The following TOP6BL variants were observed in gnomAD, a reference collection of about 807,000 sequenced individuals.
TOP6BL encodes the protein TOP6B like initiator of meiotic double strand breaks, also known as type 2 DNA topoisomerase 6 subunit B-like.
the TOP6BL span, among the ~76,000 whole-genome samples, chr11:66,841,888 C>T: frequency 3.9e-5 from 6 of 152,214 alleles, no homozygotes; most frequent in Non-Finnish European, 7.3e-5. Flanking sequence ...CTTTCTCTCC[C>T]TTGTCTGGCA....
the TOP6BL span, among the ~76,000 whole-genome samples, chr11:66,751,752 G>C: frequency 6.6e-6 from 1 of 151,966 alleles, no homozygotes; most frequent in Non-Finnish European, 1.5e-5. Context: ...TTTTAATATA[G>C]TTATAATTTT....
the TOP6BL span, among the ~76,000 whole-genome samples, chr11:66,763,352 TGTG>T: frequency 6.6e-6 from 1 of 152,268 alleles, no homozygotes; most frequent in Non-Finnish European, 1.5e-5. Flanking sequence ...GCTTTTGCTC[TGTG>T]ACCCTAATTT....
At chr11:66,804,288 A>G in the TOP6BL span, 1 of 969,046 alleles carries the variant, frequency 1.0e-6, no homozygotes, top group South Asian at 1.9e-5. Flanking sequence ...CTGCATCTAC[A>G]AATATATATG....
At chr11:66,828,541 A>G in the TOP6BL span, 4 of 567,044 alleles carry the variant, frequency 7.1e-6, no homozygotes, top group Non-Finnish European at 1.3e-5. Context: ...TGACTATCCC[A>G]CTGGTTGCCT....
chr11:66,787,503 C>T, the TOP6BL span, among the ~76,000 whole-genome samples: 4 of 145,326 alleles, frequency 2.8e-5, no homozygotes, highest in Non-Finnish European at 6.0e-5. Flanking sequence ...ATCGGGAGTT[C>T]GAGACCAGCC....
the TOP6BL span, chr11:66,796,376 C>T: frequency 6.3e-7 from 1 of 1,584,628 alleles, no homozygotes; most frequent in South Asian, 1.1e-5. Flanking sequence ...TAAGCTGTTC[C>T]TTTGTACAAT....
the TOP6BL span, among the ~76,000 whole-genome samples, chr11:66,842,601 C>T: frequency 6.6e-6 from 1 of 152,088 alleles, no homozygotes; most frequent in Admixed American, 6.5e-5. Flanking sequence ...GGCCTGAGTC[C>T]CCCAAGTGAG....
the TOP6BL span, among the ~76,000 whole-genome samples, chr11:66,755,865 CTCTT>C: frequency 2.0e-5 from 3 of 152,304 alleles, no homozygotes; most frequent in East Asian, 5.8e-4. Context: ...CTGTATTTCT[CTCTT>C]TCTTCACATG....
chr11:66,819,951 C>T, the TOP6BL span, among the ~76,000 whole-genome samples: 2 of 148,602 alleles, frequency 1.3e-5, no homozygotes, highest in South Asian at 4.3e-4. Context: ...TGGTGGTGTA[C>T]ACCTGTGGTC....
At chr11:66,782,046 G>T in the TOP6BL span, among the ~76,000 whole-genome samples, 1 of 152,094 alleles carries the variant, frequency 6.6e-6, no homozygotes, top group Admixed American at 6.6e-5. Context: ...TAAAGGGTAG[G>T]TCTGTAGAAA....
chr11:66,830,796 T>C, the TOP6BL span, among the ~76,000 whole-genome samples: 18 of 152,228 alleles, frequency 1.2e-4, no homozygotes, highest in African/African-American at 3.9e-4. Flanking sequence ...CCTTGAAAGA[T>C]ACGAAGCCCA....
the TOP6BL span, among the ~76,000 whole-genome samples, chr11:66,751,953 A>T: frequency 1.3e-5 from 2 of 152,174 alleles, no homozygotes; most frequent in African/African-American, 2.4e-5. Flanking sequence ...AGTACATCAG[A>T]TAATATATCA....
At chr11:66,819,514 T>C in the TOP6BL span, among the ~76,000 whole-genome samples, 1 of 152,170 alleles carries the variant, frequency 6.6e-6, no homozygotes, top group East Asian at 1.9e-4. Context: ...TTGGCTCCTG[T>C]AATCCCAATA....
chr11:66,813,765 TTATGGGAGTG>T, the TOP6BL span: 2 of 1,132,860 alleles, frequency 1.8e-6, no homozygotes, highest in Middle Eastern at 4.9e-4. Context: ...CATAGCACAC[TTATGGGAGTG>T]TAAACCAGGT....
the TOP6BL span, among the ~76,000 whole-genome samples, chr11:66,835,814 A>C: frequency 6.6e-6 from 1 of 152,228 alleles, no homozygotes; most frequent in Non-Finnish European, 1.5e-5. Context: ...TAGTTGATGA[A>C]CACAAGTTTT....
At chr11:66,843,314 G>C in the TOP6BL span, 2 of 1,544,400 alleles carry the variant, frequency 1.3e-6, no homozygotes, top group Non-Finnish European at 1.7e-6. Context: ...AAGCTGCCGC[G>C]CGCTCACCAA....
the TOP6BL span, among the ~76,000 whole-genome samples, chr11:66,807,531 A>G: frequency 9.8e-5 from 15 of 152,320 alleles, no homozygotes; most frequent in Admixed American, 8.5e-4. Flanking sequence ...AGATCGCGCC[A>G]TTGCACTCCA....
At chr11:66,814,970 G>A in the TOP6BL span, among the ~76,000 whole-genome samples, 1 of 152,182 alleles carries the variant, frequency 6.6e-6, no homozygotes, top group Admixed American at 6.5e-5. Context: ...AGGAGGGGTT[G>A]CAGTTTTGAG....
At chr11:66,759,729 G>C in the TOP6BL span, among the ~76,000 whole-genome samples, 1 of 152,078 alleles carries the variant, frequency 6.6e-6, no homozygotes, top group Non-Finnish European at 1.5e-5. Flanking sequence ...GACTACAGTT[G>C]CATGCTGCCA....
Sources: gnomAD v4.1 joint callset for allele counts (sites outside exome capture counted in the v4.1 genomes callset) on GRCh38, gnomAD v4.1.1 for gene constraint, MANE v1.5 for transcripts, NCBI Gene and HGNC (gene_info 2026-07-23, HGNC 2026-07-21) for gene names.